SEMA6D: variants seen among roughly 807,000 people sequenced by gnomAD.
SEMA6D encodes the protein semaphorin-6D.
In SEMA6D, 35 loss-of-function variants were observed where a neutral mutation model predicts 106.6. The ratio of observed to expected loss-of-function variants is 0.33; its 90% CI spans 0.25 to 0.44. SEMA6D has a LOEUF of 0.44. Ranked by LOEUF, SEMA6D falls within the 20% of genes least tolerant of loss-of-function variation. The pLI is 1.00. For synonymous variants in SEMA6D, 499 were observed against 487.7 expected, an observed-to-expected ratio of 1.02 and a Z score of -0.31; for missense variants, 1,185 against 1,345.9, an observed-to-expected ratio of 0.88 and a Z score of 1.87.
intron 1 of SEMA6D, among the ~76,000 whole-genome samples, chr15:47,367,104 A>G (rs1185785697): frequency 6.6e-6 from 1 of 152,168 alleles, no homozygotes; most frequent in Non-Finnish European, 1.5e-5. Context: ...TCTGCCTCAT[A>G]GAGTTGGGGT....
chr15:47,656,420 C>G (rs1008285291), intron 4 of SEMA6D, among the ~76,000 whole-genome samples: 3 of 152,122 alleles, frequency 2.0e-5, no homozygotes, highest in Non-Finnish European at 4.4e-5. Context: ...CAGCGTGGTA[C>G]CTGGCATATA....
chr15:47,760,086 G>T, intron 2 of SEMA6D, 179 bp downstream of exon 2: 1 of 647,778 alleles, frequency 1.5e-6, no homozygotes. Context: ...AGTTTTGTTG[G>T]GTGCTTTTCT....
At position 47,771,394 on chromosome 15, in the gene SEMA6D, G is replaced by C; in HGVS notation, c.2831G>C (p.Arg944Pro). ...CTCCCCAGAAATAGCCCAACCAAGC[G>C]AGTGGATGTCCCCACCACTCCTGGA... ...STLPRNSPTK[R>P]VDVPTTPGVP... The change falls in exon 19 of 19, where the codon CGA (arginine) becomes CCA (proline). Residue 944 changes from arginine (R) to proline (P), a missense_variant. By Grantham distance (103) the Arg-to-Pro change is moderately radical. Coordinates refer to ENST00000536845, the MANE Select transcript of SEMA6D (RefSeq NM_001358351.3). The C allele has an allele frequency of 1.9e-6, 3 of 1,614,008 alleles. No homozygotes were observed. The highest frequency in any genetic ancestry group is 1.7e-6 in the Non-Finnish European group (2 of 1,179,986).
intron 3 of SEMA6D, among the ~76,000 whole-genome samples, chr15:47,584,539 A>G: frequency 6.6e-6 from 1 of 152,220 alleles, no homozygotes; most frequent in East Asian, 1.9e-4. Flanking sequence ...ATCTCATGCA[A>G]ATAGCCATTT....
At chr15:47,340,074 A>G (rs1048802918) in intron 1 of SEMA6D, among the ~76,000 whole-genome samples, 11 of 152,118 alleles carry the variant, frequency 7.2e-5, no homozygotes, top group Non-Finnish European at 1.6e-4. Context: ...TGCAGGGAAA[A>G]CATTCTAAGC....
At chr15:47,615,716 A>G (rs2076995328) in intron 4 of SEMA6D, among the ~76,000 whole-genome samples, 1 of 152,244 alleles carries the variant, frequency 6.6e-6, no homozygotes, top group Non-Finnish European at 1.5e-5. Context: ...AAAGGAGAGA[A>G]AAGTGTGCCA....
At chr15:47,202,651 G>T (rs1247521190) in intron 1 of SEMA6D, among the ~76,000 whole-genome samples, 1 of 152,136 alleles carries the variant, frequency 6.6e-6, no homozygotes, top group Non-Finnish European at 1.5e-5. Flanking sequence ...CACCTTCGTG[G>T]CCCTCTTCCA....
At chr15:47,765,744 G>A (rs2147844490) in intron 13 of SEMA6D, 125 bp from the exon 14 acceptor site, 1 of 872,662 alleles carries the variant, frequency 1.1e-6, no homozygotes, top group Non-Finnish European at 1.6e-6. Flanking sequence ...TATTTCCCAA[G>A]CTATGTACTT....
intron 3 of SEMA6D, among the ~76,000 whole-genome samples, chr15:47,572,096 G>A (rs2142915305): frequency 6.6e-6 from 1 of 152,282 alleles, no homozygotes; most frequent in East Asian, 1.9e-4. Flanking sequence ...ACACCTCCTT[G>A]ATCACGAGGC....
At chr15:47,307,582 A>G (rs2036278935) in intron 1 of SEMA6D, among the ~76,000 whole-genome samples, 1 of 151,520 alleles carries the variant, frequency 6.6e-6, no homozygotes, top group Non-Finnish European at 1.5e-5. Context: ...AGTACATCTC[A>G]TTACCTTTGG....
intron 3 of SEMA6D, among the ~76,000 whole-genome samples, chr15:47,555,820 T>A (rs1194197909): frequency 2.0e-5 from 3 of 152,112 alleles, no homozygotes; most frequent in Non-Finnish European, 4.4e-5. Context: ...TGGGTCAAAT[T>A]CTCTTAGGAA....
chr15:47,671,311 G>A (rs888259461), intron 4 of SEMA6D, among the ~76,000 whole-genome samples: 3 of 152,180 alleles, frequency 2.0e-5, no homozygotes, highest in African/African-American at 7.2e-5. Context: ...TATACAAAAT[G>A]TGGACATATT....
At chr15:47,577,881 T>A (rs756561800) in intron 3 of SEMA6D, among the ~76,000 whole-genome samples, 2 of 152,238 alleles carry the variant, frequency 1.3e-5, no homozygotes, top group Non-Finnish European at 2.9e-5. Flanking sequence ...AAAAAATGTC[T>A]TACTGATTTT....
intron 4 of SEMA6D, among the ~76,000 whole-genome samples, chr15:47,694,622 G>T (rs1458548932): frequency 6.6e-6 from 1 of 151,966 alleles, no homozygotes; most frequent in African/African-American, 2.4e-5. Context: ...CAGGCCTGTG[G>T]CTTAGCTGTG....
intron 4 of SEMA6D, among the ~76,000 whole-genome samples, chr15:47,671,470 T>C (rs2078135892): frequency 6.6e-6 from 1 of 152,112 alleles, no homozygotes; most frequent in Non-Finnish European, 1.5e-5. Flanking sequence ...ATTCAAATTG[T>C]TAGACAAACA....
intron 2 of SEMA6D, among the ~76,000 whole-genome samples, chr15:47,444,636 A>G (rs542349660): frequency 4.6e-5 from 7 of 152,264 alleles, no homozygotes; most frequent in Middle Eastern, 3.4e-3. Flanking sequence ...TTCAAATAAT[A>G]TTAAAAATTA....
intron 1 of SEMA6D, among the ~76,000 whole-genome samples, chr15:47,359,153 A>G (rs1353536253): frequency 6.6e-6 from 1 of 152,084 alleles, no homozygotes; most frequent in African/African-American, 2.4e-5. Flanking sequence ...TATATATGTC[A>G]CTGTGTGTGT....
intron 4 of SEMA6D, among the ~76,000 whole-genome samples, chr15:47,676,682 G>A (rs952931054): frequency 1.3e-5 from 2 of 152,142 alleles, no homozygotes; most frequent in African/African-American, 2.4e-5. Context: ...GTGTGAACCC[G>A]AGAGCCAATG....
At position 47,413,111 on chromosome 15, in the gene SEMA6D, C is replaced by T. The variant is rs151267770; in HGVS notation, c.-159+639C>T. Among the ~76,000 whole-genome samples the T allele has an allele frequency of 8.5e-5, 13 of 152,262 alleles. No homozygotes were observed. The East Asian group carries it at 2.5e-3, about 29-fold the overall frequency. On this transcript the variant is annotated intron_variant, in intron 2 of 19. Transcript: ENST00000558014. ...TCATTTTGAAAAGGGAAGTCTCCCA[C>T]TCCTCTGTGTGTATGTGTATTTACA...
Sources: allele counts gnomAD v4.1 joint callset (sites outside exome capture counted in the v4.1 genomes callset), GRCh38; gene constraint gnomAD v4.1.1; transcripts MANE v1.5; gene names NCBI Gene and HGNC (gene_info 2026-07-23, HGNC 2026-07-21).